The following PKD1L1 variants were observed in gnomAD, a reference collection of about 807,000 sequenced individuals.
The protein encoded by PKD1L1 is polycystin-1-like protein 1.
In PKD1L1, 236 loss-of-function variants were observed where a neutral mutation model predicts 323.4. The observed-to-expected ratio is 0.73, with a 90% CI of 0.66 to 0.81. The LOEUF (loss-of-function observed/expected upper bound fraction) is 0.81. PKD1L1 is among the 40% of genes least tolerant of loss of function. The pLI, the probability that PKD1L1 is intolerant of heterozygous loss-of-function variation, is 0.00. For missense variants in PKD1L1, 3,320 were observed against 3,508.0 expected (o/e 0.95, Z 1.35); for synonymous variants, 1,344 against 1,335.0 (o/e 1.01, Z -0.15).
chr7:47,940,105 C>T lies in PKD1L1; in HGVS notation c.285+88G>A, dbSNP rs1377670492. The T allele has an allele frequency of 1.6e-5, 24 of 1,518,490 alleles. No individual in the cohort carries two copies. In the Admixed American group the frequency reaches 4.0e-4, roughly 25 times the overall value. 94.1% of individuals were successfully genotyped at this position (1,518,490 alleles called of 1,614,324 possible). A position where few individuals can be genotyped will look rare whatever the true frequency, so the allele number is the denominator to read the frequency against. The stretch of plus-strand genomic sequence containing the variant: ...TAGGAAAACAATCCCTGATGAATTC[C>T]TGATGAAACATGGAGGTGCTTTTTA... On this transcript the variant is annotated intron_variant, in intron 3 of 56. Coordinates refer to ENST00000289672, the MANE Select transcript of PKD1L1 (RefSeq NM_138295.5).
chr7:47,892,605 GTACAGCA>G (rs1415187972), intron 15 of PKD1L1, among the ~76,000 whole-genome samples: 2 of 152,164 alleles, frequency 1.3e-5, no homozygotes, highest in South Asian at 2.1e-4. Context: ...TGGGTACAAT[GTACAGCA>G]TTCAGGGAAT....
In PKD1L1 at chr7:47,922,252, C is replaced by G. The variant is rs532205639; in HGVS notation, c.1061-6653G>C. On this transcript the variant is annotated intron_variant, in intron 7 of 56. Coordinates refer to ENST00000289672, the MANE Select transcript of PKD1L1 (RefSeq NM_138295.5). ...AGGCTGGAGTGCAGTGGCGTGCTCT[C>G]GGCTCGCTACAACCTCCACCTCCGA... Among the ~76,000 whole-genome samples, 42 of 152,292 alleles carry G rather than the reference C, an allele frequency of 2.8e-4. 1 individual carries two copies. The highest frequency in any genetic ancestry group is 3.4e-3 in the Middle Eastern group (1 of 294).
Position 47,800,862 on chromosome 7 carries a change from C to T in PKD1L1, c.7980G>A (p.Met2660Ile). 1 of 1,614,016 alleles carries T rather than the reference C, an allele frequency of 6.2e-7. No individual in the cohort carries two copies. Among genetic ancestry groups the T allele is most frequent in the Non-Finnish European group, 8.5e-7 (1 of 1,179,966 alleles). ...IFVAGLVGAL[M>I]LAALSHLHRF... ...GGTGCAGGTGGGAGAGGGCGGCCAG[C>T]ATCAGTGCCCCCACCAGCTGCAGAA... is the stretch of plus-strand genomic sequence containing the variant. The change falls in exon 54 of 57, where the codon ATG becomes ATA. Residue 2660 changes from methionine (M) to isoleucine (I), a missense_variant. By Grantham distance (10) the Met-to-Ile change is conservative. Coordinates refer to ENST00000289672, the MANE Select transcript of PKD1L1 (RefSeq NM_138295.5).
Position 47,885,690 on chromosome 7 carries a change from G to A in PKD1L1, c.3201C>T (p.Leu1067=). ...TGCAGGAACAGTGGCACTTACCAGA[G>A]AGGTGAGGGTCAGGGCTGTGGGTGG... ...SQPTHSPDPH[L]SDFEAYYSDI... The change falls in exon 18 of 57, where the codon CTC becomes CTT. Residue 1067 remains leucine, a synonymous_variant. Coordinates refer to ENST00000289672, the MANE Select transcript of PKD1L1 (RefSeq NM_138295.5). 6.2e-7 allele frequency: 1 copy of A among 1,610,520 alleles called. No homozygotes were observed. The highest frequency in any genetic ancestry group is 1.1e-5 in the South Asian group (1 of 90,716).
chr7:47,867,770 T>A (rs1434038142), intron 24 of PKD1L1, among the ~76,000 whole-genome samples: 1 of 152,138 alleles, frequency 6.6e-6, no homozygotes, highest in African/African-American at 2.4e-5. Context: ...AGCTATAAAT[T>A]TATAAGTTAC....
Position 47,843,177 on chromosome 7 carries a change from C to T in PKD1L1, c.5238-8G>A. The T allele has an allele frequency of 6.3e-7, 1 of 1,596,116 alleles. No individual in the cohort carries two copies. Among genetic ancestry groups the T allele is most frequent in the Non-Finnish European group, 8.6e-7 (1 of 1,169,060 alleles). ...AGCAAGTTTTCTGGGTGGCTATAAACAAAAGGAGAGATATAAAGAAAATTG... is the reference window on the plus strand; with the variant it reads ...AGCAAGTTTTCTGGGTGGCTATAAATAAAAGGAGAGATATAAAGAAAATTG... On this transcript the variant is annotated splice_region_variant and splice_polypyrimidine_tract_variant and intron_variant, in intron 33 of 56. Transcript: ENST00000289672.
chr7:47,955,556 T>C, the PKD1L1 span, among the ~76,000 whole-genome samples: 2 of 152,362 alleles, frequency 1.3e-5, no homozygotes, highest in South Asian at 4.1e-4. Context: ...CTATAAGTCA[T>C]ACATTTTGCC....
Position 47,795,989 on chromosome 7 carries a change from G to A in PKD1L1, c.8355C>T (p.His2785=), listed in dbSNP as rs751054839. ...AGTAATCCAAGATCTCACAGCTTAC[G>A]TGATTCTCAACCATCTCAGCCTCTT... is the stretch of plus-strand genomic sequence containing the variant. ...KLEEAEMVEN[H]NYYLDEFANL... is the part of the protein sequence containing the mutation. The change falls in exon 55 of 57, where the codon CAC becomes CAT. Residue 2785 remains histidine (H), a splice_region_variant and synonymous_variant. Coordinates refer to ENST00000289672, the MANE Select transcript of PKD1L1 (RefSeq NM_138295.5). The A allele has an allele frequency of 5.5e-5, 88 of 1,611,224 alleles. No homozygotes were observed. Among genetic ancestry groups the A allele is most frequent in the African/African-American group, 9.4e-5 (7 of 74,840 alleles).
chr7:47,839,752 G>T lies in PKD1L1; in HGVS notation c.5553-90C>A. On this transcript the variant is annotated intron_variant, in intron 35 of 56. Coordinates refer to ENST00000289672, the MANE Select transcript of PKD1L1 (RefSeq NM_138295.5). This position sits in a 1 kb window ranked among gnomAD's most constrained non-coding sequence, Gnocchi z 4.3. ...CCCCAATGCTCACCCTCAAGGCACT[G>T]ATGGCCCACAGAGGGTGGATGGGAC... The T allele has an allele frequency of 7.9e-7, 1 of 1,260,572 alleles. No homozygotes were observed. The highest frequency in any genetic ancestry group is 1.1e-6 in the Non-Finnish European group (1 of 899,776). 78.1% of individuals were successfully genotyped at this position (1,260,572 alleles called of 1,614,324 possible).
intron 56 of PKD1L1, among the ~76,000 whole-genome samples, chr7:47,779,224 T>C (rs769324278): frequency 6.6e-6 from 1 of 152,216 alleles, no homozygotes; most frequent in Non-Finnish European, 1.5e-5. Flanking sequence ...GATGGCTGCA[T>C]GTTTTTAATC....
chr7:47,848,244 CT>C (rs762315557), intron 31 of PKD1L1, among the ~76,000 whole-genome samples: 15 of 152,198 alleles, frequency 9.9e-5, no homozygotes, highest in East Asian at 1.9e-4. Context: ...ACTCCTCCCC[CT>C]ACATGTAATA....
intron 46 of PKD1L1, among the ~76,000 whole-genome samples, chr7:47,816,866 G>A (rs1043157384): frequency 2.0e-5 from 3 of 152,150 alleles, no homozygotes; most frequent in Non-Finnish European, 4.4e-5. Flanking sequence ...GCCTGGAGCC[G>A]ACTCTTACTG....
Position 47,885,986 on chromosome 7 carries a change from AC to A in PKD1L1, c.2904del (p.Gln968HisfsTer2). On this transcript the variant is annotated frameshift_variant, in exon 18 of 57. Coordinates refer to ENST00000289672, the MANE Select transcript of PKD1L1 (RefSeq NM_138295.5). LOFTEE classifies it high-confidence loss of function. ...LGLGAISESSQLNLLPTEPGT... is the reference protein window; with the variant it reads ...LGLGAISESSXLNLLPTEPGT... ...CCAGGCTCAGTGGGCAGCAGGTTTAACTGTGATGACTCTGAAATGGCACCGA... is the reference window on the plus strand; with the variant it reads ...CCAGGCTCAGTGGGCAGCAGGTTTAATGTGATGACTCTGAAATGGCACCGA... The A allele has an allele frequency of 1.2e-6, 2 of 1,614,152 alleles. No individual in the cohort carries two copies. The highest frequency in any genetic ancestry group is 8.5e-7 in the Non-Finnish European group (1 of 1,180,016).
chr7:47,861,891 A>AAC (rs1562962860), intron 26 of PKD1L1, among the ~76,000 whole-genome samples: 5 of 143,910 alleles, frequency 3.5e-5, no homozygotes, highest in Admixed American at 6.9e-5. Context: ...AAAAAAAAAA[A>AAC]AAAAAAAAAA....
At chr7:47,847,396 A>G (rs1785688736) in intron 31 of PKD1L1, among the ~76,000 whole-genome samples, 1 of 152,142 alleles carries the variant, frequency 6.6e-6, no homozygotes, top group African/African-American at 2.4e-5. Flanking sequence ...CTTAGTGGGG[A>G]TGGAAGAGGG....
chr7:47,844,334 A>G (rs1047925612), intron 33 of PKD1L1, among the ~76,000 whole-genome samples: 2 of 152,248 alleles, frequency 1.3e-5, no homozygotes, highest in African/African-American at 4.8e-5. Flanking sequence ...CTATATGAAT[A>G]TAAGGAGAAA....
chr7:47,796,098 T>C lies in PKD1L1; in HGVS notation c.8246A>G (p.Lys2749Arg). The change falls in exon 55 of 57, where the codon AAA becomes AGA. Residue 2749 changes from lysine (K) to arginine (R), a missense_variant. Coordinates refer to ENST00000289672, the MANE Select transcript of PKD1L1 (RefSeq NM_138295.5). ...GACATCTTTAAGTCTCACAAAAGAT[T>C]TACTTTGAAAAGATTTTCTTTTTTG... ...LPQKRKSFQS[K>R]SFVRLKDVTA... 6 of 1,610,922 alleles carry C rather than the reference T, an allele frequency of 3.7e-6. No individual in the cohort carries two copies. The highest frequency in any genetic ancestry group is 5.1e-6 in the Non-Finnish European group (6 of 1,178,594).
chr7:47,893,380 C>G (rs919265985), intron 15 of PKD1L1, among the ~76,000 whole-genome samples: 5 of 152,064 alleles, frequency 3.3e-5, no homozygotes, highest in Non-Finnish European at 7.4e-5. Context: ...ACTCACAGCC[C>G]AGAGTCCGGA....
intron 12 of PKD1L1, among the ~76,000 whole-genome samples, chr7:47,904,017 T>C (rs1019415650): frequency 1.3e-5 from 2 of 152,208 alleles, no homozygotes; most frequent in Non-Finnish European, 2.9e-5. Context: ...AAACATCTCC[T>C]GTTGGCACCT....
Sources: gnomAD v4.1 joint callset for allele counts (sites outside exome capture counted in the v4.1 genomes callset) on GRCh38, gnomAD v4.1.1 for gene constraint, Gnocchi (gnomAD v3.1) non-coding constraint, MANE v1.5 for transcripts, NCBI Gene and HGNC (gene_info 2026-07-23, HGNC 2026-07-21) for gene names.